Variants in ZNF782 observed in about 807,000 individuals in gnomAD.
The protein encoded by ZNF782 is zinc finger protein 782.
Under a neutral mutation model 13.0 loss-of-function variants are expected in ZNF782, and 12 were observed. The observed-to-expected ratio is 0.92, with a 90% confidence interval of 0.59 to 1.50. The LOEUF (loss-of-function observed/expected upper bound fraction) is 1.50. Ranked by LOEUF, ZNF782 falls within the 40% of genes most tolerant of loss-of-function variation. The pLI, the probability that ZNF782 is intolerant of heterozygous loss-of-function variation, is 0.00. For missense variants in ZNF782, 770 were observed against 822.9 expected (o/e 0.94, Z 0.79); for synonymous variants, 284 against 283.0 (o/e 1.00, Z -0.04).
chr9:96,926,610 G>A, the ZNF782 span, among the ~76,000 whole-genome samples: 2 of 151,434 alleles, frequency 1.3e-5, no homozygotes, highest in African/African-American at 4.8e-5. Flanking sequence ...AATGCTCGCT[G>A]GACCATTCAG....
chr9:96,817,825 G>A lies in ZNF782; in HGVS notation c.*98C>T. 9.6e-7 allele frequency: 1 copy of A among 1,043,404 alleles called. No individual in the cohort carries two copies. Among genetic ancestry groups the A allele is most frequent in the Non-Finnish European group, 1.4e-6 (1 of 738,318 alleles). The allele number at this position is 1,043,404 out of a possible 1,614,324, so 64.6% of individuals were successfully genotyped here. ...CTGAAATTGTAGAGGAAATTCCAGT[G>A]CTCACTATGTTAACAGTTCTCTCCT... On this transcript the variant is annotated 3_prime_UTR_variant, in exon 6 of 6. Coordinates refer to ENST00000481138, the MANE Select transcript of ZNF782 (RefSeq NM_001001662.3).
chr9:96,906,254 A>T, the ZNF782 span, among the ~76,000 whole-genome samples: 1 of 151,424 alleles, frequency 6.6e-6, no homozygotes, highest in Non-Finnish European at 1.5e-5. Flanking sequence ...TTCAGACACC[A>T]GACGTGTATG....
At chr9:96,841,813 C>G (rs1181295420) in intron 4 of ZNF782, among the ~76,000 whole-genome samples, 1 of 151,654 alleles carries the variant, frequency 6.6e-6, no homozygotes, top group Non-Finnish European at 1.5e-5. Flanking sequence ...AGGATGACTA[C>G]TCTTACCACT....
intron 4 of ZNF782, among the ~76,000 whole-genome samples, chr9:96,836,243 T>C (rs901013982): frequency 3.3e-5 from 5 of 151,848 alleles, no homozygotes; most frequent in African/African-American, 1.2e-4. Flanking sequence ...GACCAAGTCT[T>C]GCTCTGTTGC....
chr9:96,911,780 A>G, the ZNF782 span, among the ~76,000 whole-genome samples: 2 of 151,852 alleles, frequency 1.3e-5, no homozygotes, highest in Admixed American at 1.3e-4. Flanking sequence ...TCAGCCTCCC[A>G]AAGTGCTGGG....
At chr9:96,871,229 C>CAT (rs1320033881) in intron 1 of ZNF782, among the ~76,000 whole-genome samples, 2 of 151,924 alleles carry the variant, frequency 1.3e-5, no homozygotes, top group Non-Finnish European at 2.9e-5. Context: ...CTGAAGCATA[C>CAT]ATATGCAGGC....
At chr9:96,865,847 T>C (rs1441394660) in intron 1 of ZNF782, among the ~76,000 whole-genome samples, 1 of 152,116 alleles carries the variant, frequency 6.6e-6, no homozygotes, top group African/African-American at 2.4e-5. Context: ...AAAGTGACTC[T>C]TGTTATGTTT....
intron 4 of ZNF782, among the ~76,000 whole-genome samples, chr9:96,836,571 A>G (rs2118607080): frequency 6.6e-6 from 1 of 152,254 alleles, no homozygotes; most frequent in South Asian, 2.1e-4. Flanking sequence ...AGAAAAACTT[A>G]AGGCTTTTGG....
the ZNF782 span, among the ~76,000 whole-genome samples, chr9:96,925,448 G>A: frequency 6.6e-6 from 1 of 152,064 alleles, no homozygotes; most frequent in Admixed American, 6.5e-5. Context: ...GACCAGCCTG[G>A]CCAATATGGT....
chr9:96,818,852 C>A lies in ZNF782; in HGVS notation c.1171G>T (p.Glu391Ter). 1 of 1,614,176 alleles carries A rather than the reference C, an allele frequency of 6.2e-7. No individual in the cohort carries two copies. Among genetic ancestry groups the A allele is most frequent in the Non-Finnish European group, 8.5e-7 (1 of 1,180,028 alleles). ...LIWPQKSHTG[E>*]KPYECPECGK... is the part of the protein sequence containing the mutation. ...CACTCAGGACATTCATAGGGTTTCT[C>A]CCCTGTGTGACTTTTCTGAGGCCAA... is the stretch of plus-strand genomic sequence containing the variant. The change falls in exon 6 of 6, where the codon GAG becomes TAG. Residue 391 changes from glutamate to a stop codon, truncating the protein, a stop_gained. Transcript: ENST00000481138. LOFTEE classifies it low-confidence loss of function (END_TRUNC).
the ZNF782 span, among the ~76,000 whole-genome samples, chr9:96,932,676 G>A: frequency 6.7e-6 from 1 of 149,776 alleles, no homozygotes; most frequent in African/African-American, 2.5e-5. Flanking sequence ...TTTTGAGATG[G>A]ACTTTCACTC....
the ZNF782 span, among the ~76,000 whole-genome samples, chr9:96,898,885 T>C: frequency 1.3e-5 from 2 of 148,788 alleles, no homozygotes; most frequent in Non-Finnish European, 2.9e-5. Flanking sequence ...ATTTTAATCA[T>C]TTCCAAGTGT....
intron 4 of ZNF782, among the ~76,000 whole-genome samples, chr9:96,837,500 T>C (rs1489227502): frequency 6.6e-6 from 1 of 152,162 alleles, no homozygotes; most frequent in Non-Finnish European, 1.5e-5. Flanking sequence ...GTTTCATTGA[T>C]TTTCTCTATT....
the ZNF782 span, among the ~76,000 whole-genome samples, chr9:96,911,521 G>GT: frequency 2.5e-3 from 274 of 109,596 alleles, 4 homozygotes; most frequent in African/African-American, 9.4e-3. Context: ...TTTTTGTTTT[G>GT]TTTTGTTTTT....
At chr9:96,884,572 G>A in the ZNF782 span, among the ~76,000 whole-genome samples, 3 of 152,002 alleles carry the variant, frequency 2.0e-5, no homozygotes, top group African/African-American at 4.8e-5. Flanking sequence ...CCACAACCCC[G>A]AAGGCAGTGG....
At chr9:96,887,124 G>A in the ZNF782 span, among the ~76,000 whole-genome samples, 1 of 151,824 alleles carries the variant, frequency 6.6e-6, no homozygotes, top group East Asian at 1.9e-4. Flanking sequence ...GATCAGCCTG[G>A]CCAACATGGT....
At chr9:96,860,779 C>T (rs753966748) in intron 2 of ZNF782, among the ~76,000 whole-genome samples, 2 of 152,102 alleles carry the variant, frequency 1.3e-5, no homozygotes. Flanking sequence ...ACCCAGAAAC[C>T]GATTCATACA....
chr9:96,844,310 A>T (rs1470952806), intron 4 of ZNF782, among the ~76,000 whole-genome samples: 3 of 152,238 alleles, frequency 2.0e-5, no homozygotes, highest in African/African-American at 7.2e-5. Flanking sequence ...TAGCAGCTTT[A>T]CTCAGAAAAG....
intron 4 of ZNF782, among the ~76,000 whole-genome samples, chr9:96,833,806 TTCTC>T (rs538395112): frequency 1.3e-5 from 2 of 152,188 alleles, no homozygotes; most frequent in East Asian, 1.9e-4. Context: ...AGATTTTCTA[TTCTC>T]TCTTATTTAT....
Sources: gnomAD v4.1 joint callset for allele counts (sites outside exome capture counted in the v4.1 genomes callset) on GRCh38, gnomAD v4.1.1 for gene constraint, MANE v1.5 for transcripts, NCBI Gene and HGNC (gene_info 2026-07-23, HGNC 2026-07-21) for gene names.